Variants in COL5A1 observed in about 807,000 individuals in gnomAD.
The protein encoded by COL5A1 is collagen type V alpha 1 chain.
In COL5A1, 16 loss-of-function variants were observed where a neutral mutation model predicts 263.7. That is an observed-to-expected ratio of 0.06 (90% CI 0.04 to 0.09). The LOEUF (loss-of-function observed/expected upper bound fraction) is 0.09, where lower values mean the gene tolerates loss of function less well. Ranked by LOEUF, COL5A1 falls within the 10% of genes least tolerant of loss-of-function variation. The pLI is 1.00. For synonymous variants in COL5A1, 1,012 were observed against 1,004.5 expected (o/e 1.01, Z -0.14); for missense variants, 2,036 against 2,540.5 (o/e 0.80, Z 4.27).
At chr9:134,767,809 G>A (rs902671984) in intron 24 of COL5A1, among the ~76,000 whole-genome samples, 4 of 152,188 alleles carry the variant, frequency 2.6e-5, no homozygotes, top group Admixed American at 1.3e-4. Context: ...AGAGCTTGTC[G>A]CTTAACCAGG....
chr9:134,793,357 G>T (rs1837785501), intron 32 of COL5A1, among the ~76,000 whole-genome samples: 1 of 146,884 alleles, frequency 6.8e-6, no homozygotes, highest in Non-Finnish European at 1.5e-5. Context: ...CAAGCAATTT[G>T]CAAGGGAGAA....
chr9:134,774,557 G>A (rs1374855710), intron 26 of COL5A1, among the ~76,000 whole-genome samples: 2 of 152,210 alleles, frequency 1.3e-5, no homozygotes, highest in African/African-American at 4.8e-5. Flanking sequence ...CTCCAACGCT[G>A]ACCTTTCACC....
intron 1 of COL5A1, among the ~76,000 whole-genome samples, chr9:134,666,594 C>G (rs774708996): frequency 2.6e-5 from 4 of 152,198 alleles, no homozygotes; most frequent in African/African-American, 4.8e-5. Flanking sequence ...TGACTGAGAG[C>G]TCGTGAAGGT....
rs1479715514 is a variant in COL5A1 at position 134,755,973 on chromosome 9, C to G, written c.1828-792C>G. On this transcript the variant is annotated intron_variant, in intron 16 of 65. Coordinates refer to ENST00000371817, the MANE Select transcript of COL5A1 (RefSeq NM_000093.5). This position sits in a 1 kb window ranked among gnomAD's most constrained non-coding sequence, Gnocchi z 4.1. ...GCAGGGTGGCAGCCCTCTATACTCG[C>G]TGGCTGGGGTGCCTCGTTGTGCAGG... 6.6e-6 allele frequency among the ~76,000 whole-genome samples: 1 copy of G among 152,038 alleles called. No individual in the cohort carries two copies. Among genetic ancestry groups the G allele is most frequent in the African/African-American group, 2.4e-5 (1 of 41,394 alleles).
Position 134,642,499 on chromosome 9 carries a change from C to T in COL5A1, c.109+203C>T, listed in dbSNP as rs1023441944. Among the ~76,000 whole-genome samples, 14 of 151,674 alleles carry T rather than the reference C, an allele frequency of 9.2e-5. No homozygotes were observed. Among genetic ancestry groups the T allele is most frequent in the African/African-American group, 3.4e-4 (14 of 41,388 alleles). ...ATGCCCGCGGGCGCGCCGCCGCCCC[C>T]TCCCCAGACGGGCGGGTCGGGTGGG... On this transcript the variant is annotated intron_variant, in intron 1 of 65. Transcript: ENST00000371817. The surrounding 1 kb of genome is among the most constrained non-coding windows in gnomAD (Gnocchi z 4.5).
chr9:134,734,064 G>T (rs530905871), intron 9 of COL5A1, among the ~76,000 whole-genome samples: 1 of 152,086 alleles, frequency 6.6e-6, no homozygotes, highest in Non-Finnish European at 1.5e-5. Context: ...TCATGTTCCC[G>T]AGTAAGCTGG....
intron 63 of COL5A1, 111 bp from the exon 64 acceptor site, chr9:134,829,865 T>G: frequency 3.4e-5 from 40 of 1,181,776 alleles, no homozygotes; most frequent in Non-Finnish European, 4.4e-5. Context: ...CCCCCCGGCG[T>G]GAGGATGCAG....
At chr9:134,763,197 T>C (rs1366388544) in intron 19 of COL5A1, among the ~76,000 whole-genome samples, 1 of 152,144 alleles carries the variant, frequency 6.6e-6, no homozygotes, top group Non-Finnish European at 1.5e-5. Context: ...CGAGGGACAG[T>C]GTTTGCAAAC....
intron 64 of COL5A1, among the ~76,000 whole-genome samples, chr9:134,832,281 C>T (rs1839667106): frequency 6.6e-6 from 1 of 152,112 alleles, no homozygotes; most frequent in South Asian, 2.1e-4. Flanking sequence ...TGGTGTGCAC[C>T]TGTAATTCCA....
rs1250102479 is a variant in COL5A1 at position 134,844,237 on chromosome 9, G to C, written c.*1934G>C. On this transcript the variant is annotated 3_prime_UTR_variant, in exon 66 of 66. Coordinates refer to ENST00000371817, the MANE Select transcript of COL5A1 (RefSeq NM_000093.5). ...GAAAGTAAGTCTCGCTCTTGCCAAA[G>C]AAAAGTCTGGCTTGGAGAGTCTCTG... 1 of 152,658 alleles carries C rather than the reference G, an allele frequency of 6.6e-6. No individual in the cohort carries two copies. The highest frequency in any genetic ancestry group is 2.4e-5 in the African/African-American group (1 of 41,458). The allele number at this position is 152,658 out of a possible 1,614,324, so 9.5% of individuals were successfully genotyped here.
chr9:134,792,833 A>ATGTGTATGTGTGTGTGCGCG (rs1837752603), intron 32 of COL5A1, among the ~76,000 whole-genome samples: 1 of 138,392 alleles, frequency 7.2e-6, no homozygotes, highest in African/African-American at 2.8e-5. Flanking sequence ...GTGTGTATGC[A>ATGTGTATGTGTGTGTGCGCG]TGTGTATGTG....
intron 1 of COL5A1, among the ~76,000 whole-genome samples, chr9:134,661,393 G>A (rs577150244): frequency 2.0e-4 from 30 of 151,786 alleles, no homozygotes; most frequent in African/African-American, 7.0e-4. Context: ...GCAGCAGGGC[G>A]TGTGTGTGAG....
chr9:134,831,490 G>A (rs1014097601), intron 64 of COL5A1, among the ~76,000 whole-genome samples: 1 of 152,120 alleles, frequency 6.6e-6, no homozygotes, highest in Non-Finnish European at 1.5e-5. Context: ...GAAACACCCG[G>A]GGACAGGGAG....
rs568808179 is a variant in COL5A1, at chr9:134,747,146, C to T, written c.1495-3396C>T. On this transcript the variant is annotated intron_variant, in intron 11 of 65. Transcript: ENST00000371817. The stretch of plus-strand genomic sequence containing the variant: ...GTTCATGGGGGTGGCGACATTCTTT[C>T]CTTTCTTCTCCACACTGTCTCCTTC... 1.1e-3 allele frequency among the ~76,000 whole-genome samples: 169 copies of T among 152,260 alleles called. 2 individuals carry two copies. Among genetic ancestry groups the T allele is most frequent in the South Asian group, 0.011 (53 of 4,828 alleles).
chr9:134,719,817 G>A (rs999264531), intron 4 of COL5A1, among the ~76,000 whole-genome samples: 2 of 152,198 alleles, frequency 1.3e-5, no homozygotes, highest in Non-Finnish European at 2.9e-5. Flanking sequence ...GAAGAAGGTC[G>A]GAGGTGACAC....
At chr9:134,787,302 C>T (rs1049082739) in intron 31 of COL5A1, among the ~76,000 whole-genome samples, 2 of 152,260 alleles carry the variant, frequency 1.3e-5, no homozygotes, top group Admixed American at 6.5e-5. Context: ...GACCCGGTTT[C>T]TGAACTGAGC....
At chr9:134,760,140 G>T (rs553689346) in intron 18 of COL5A1, among the ~76,000 whole-genome samples, 730 of 63,714 alleles carry the variant, frequency 0.011, 1 homozygote, top group African/African-American at 0.048. Context: ...ACACTCACAT[G>T]TGCAGACACC....
chr9:134,796,533 A>G, intron 35 of COL5A1, 115 bp downstream of exon 35: 1 of 1,110,230 alleles, frequency 9.0e-7, no homozygotes. Context: ...GACCCTGCTG[A>G]AGGGTAGGGT....
chr9:134,719,426 A>G (rs914995412), intron 4 of COL5A1, among the ~76,000 whole-genome samples: 3 of 152,254 alleles, frequency 2.0e-5, no homozygotes, highest in Non-Finnish European at 2.9e-5. Flanking sequence ...ATGCACGCAC[A>G]CGTATGTATG....
Sources: allele counts gnomAD v4.1 joint callset (sites outside exome capture counted in the v4.1 genomes callset), GRCh38; gene constraint gnomAD v4.1.1; non-coding constraint Gnocchi (gnomAD v3.1); transcripts MANE v1.5; gene names NCBI Gene and HGNC (gene_info 2026-07-23, HGNC 2026-07-21).